Variants in CSMD2 observed in about 807,000 individuals in gnomAD.
CSMD2 encodes CUB and Sushi multiple domains 2, also known as CUB and sushi domain-containing protein 2.
A neutral mutation model predicts 398.5 loss-of-function variants in CSMD2; 130 were observed. The observed-to-expected ratio is 0.33, with a 90% CI of 0.28 to 0.38. The LOEUF (loss-of-function observed/expected upper bound fraction) is 0.38. Among genes scored for constraint, CSMD2 ranks in the 10% least tolerant of loss-of-function variants. CSMD2 has a pLI of 1.00. For missense variants in CSMD2, 3,829 were observed against 4,764.9 expected, an observed-to-expected ratio of 0.80 and a Z score of 5.78; for synonymous variants, 1,828 against 1,908.5, an observed-to-expected ratio of 0.96 and a Z score of 1.10.
intron 1 of CSMD2, among the ~76,000 whole-genome samples, chr1:34,112,039 G>A (rs1190228961): frequency 2.7e-5 from 4 of 150,008 alleles, no homozygotes; most frequent in Admixed American, 6.6e-5. Flanking sequence ...TTTCTCTCTC[G>A]CAGTTTGAAT....
At chr1:33,657,083 C>T (rs1643969846) in intron 27 of CSMD2, among the ~76,000 whole-genome samples, 1 of 152,200 alleles carries the variant, frequency 6.6e-6, no homozygotes, top group African/African-American at 2.4e-5. Flanking sequence ...TAGTTAGAGG[C>T]AGGATTTTTC....
At chr1:34,082,383 A>C (rs1228578346) in intron 2 of CSMD2, among the ~76,000 whole-genome samples, 11 of 132,354 alleles carry the variant, frequency 8.3e-5, no homozygotes, top group African/African-American at 1.2e-4. Flanking sequence ...GTGGGGGGCG[A>C]CCCCGCCCAG....
intron 48 of CSMD2, among the ~76,000 whole-genome samples, chr1:33,578,269 C>T (rs1638436342): frequency 6.6e-6 from 1 of 152,166 alleles, no homozygotes; most frequent in Admixed American, 6.5e-5. Flanking sequence ...TAAGTGCTTG[C>T]AATACAACAG....
intron 15 of CSMD2, among the ~76,000 whole-genome samples, chr1:33,732,680 T>A (rs1646759618): frequency 6.6e-6 from 1 of 152,222 alleles, no homozygotes; most frequent in Non-Finnish European, 1.5e-5. Flanking sequence ...CAGCCCAGGC[T>A]GACTGATACA....
chr1:33,981,605 A>G (rs969556950), intron 3 of CSMD2, among the ~76,000 whole-genome samples: 1 of 152,210 alleles, frequency 6.6e-6, no homozygotes, highest in Non-Finnish European at 1.5e-5. Flanking sequence ...TGGGCCACGC[A>G]CTGAGTATAC....
intron 57 of CSMD2, 24 bp downstream of exon 57, chr1:33,546,013 A>G: frequency 6.3e-7 from 1 of 1,589,446 alleles, no homozygotes; most frequent in Non-Finnish European, 8.6e-7. Context: ...CAAAGGGGAG[A>G]AGCAGAATGG....
At chr1:34,080,033 T>C (rs1172682978) in intron 2 of CSMD2, among the ~76,000 whole-genome samples, 1 of 147,522 alleles carries the variant, frequency 6.8e-6, no homozygotes, top group East Asian at 2.0e-4. Context: ...AATATAGATA[T>C]ATTAAAAATA....
chr1:33,637,015 C>T (rs1322096162), intron 29 of CSMD2, among the ~76,000 whole-genome samples: 1 of 152,192 alleles, frequency 6.6e-6, no homozygotes, highest in Non-Finnish European at 1.5e-5. Flanking sequence ...GCCTCCTGGC[C>T]TTTTGTGTTC....
At chr1:33,708,944 C>G (rs904442539) in intron 22 of CSMD2, 145 bp downstream of exon 22, 2 of 678,556 alleles carry the variant, frequency 2.9e-6, no homozygotes, top group African/African-American at 3.6e-5. Context: ...TTGGTCCTCT[C>G]TTTCTCCCAG....
In CSMD2 at chr1:33,743,360, G is replaced by T; in HGVS notation, c.2093C>A (p.Thr698Lys). ...FSGNQLPSSI[T>K]SSGHVARLEF... ...GAGACGGGCCACGTGGCCACTGCTT[G>T]TGATGGAGGAGGGAAGCTGGTTTCC... Residue 698 changes from threonine to lysine, a missense_variant, in exon 14 of 71, where the codon ACA becomes AAA. Around this residue, in one of 5 missense-constraint regions of CSMD2, gnomAD observed 2,001 missense variants for 2,567.1 expected, o/e 0.78. Transcript: ENST00000373381. 3.7e-6 allele frequency: 6 copies of T among 1,614,202 alleles called. No homozygotes were observed. The highest frequency in any genetic ancestry group is 5.1e-6 in the Non-Finnish European group (6 of 1,180,030).
rs535941810 is a variant in CSMD2 at position 33,617,059 on chromosome 1, T to A, written c.5947-84A>T. ...AACCAGGGGCTGTACAGGGGTCTGG[T>A]TCAGGGGCCTCATGTTAAGGAACAA... On this transcript the variant is annotated intron_variant, in intron 38 of 70. Transcript: ENST00000373381. 1.4e-5 allele frequency: 14 copies of A among 1,008,962 alleles called. No homozygotes were observed. The African/African-American group carries it at 2.2e-4, about 16-fold the overall frequency. The allele number at this position is 1,008,962 out of a possible 1,614,324, so 62.5% of individuals were successfully genotyped here. A position where few individuals can be genotyped will look rare whatever the true frequency, so the allele number is the denominator to read the frequency against.
At chr1:33,842,106 A>G (rs1482485525) in intron 6 of CSMD2, among the ~76,000 whole-genome samples, 1 of 152,024 alleles carries the variant, frequency 6.6e-6, no homozygotes, top group Non-Finnish European at 1.5e-5. Flanking sequence ...TCTGCCCCAG[A>G]CCATCTTTGT....
At chr1:33,971,485 T>C (rs1645762782) in intron 3 of CSMD2, among the ~76,000 whole-genome samples, 1 of 152,246 alleles carries the variant, frequency 6.6e-6, no homozygotes, top group Non-Finnish European at 1.5e-5. Flanking sequence ...CTGATCCTGG[T>C]TGCTTCAGCT....
chr1:33,568,664 T>G (rs1377899238), intron 52 of CSMD2, among the ~76,000 whole-genome samples: 1 of 152,162 alleles, frequency 6.6e-6, no homozygotes, highest in Non-Finnish European at 1.5e-5. Flanking sequence ...TTATATGGGA[T>G]TTGGGTAGAA....
At chr1:33,891,911 A>C in intron 5 of CSMD2, among the ~76,000 whole-genome samples, 1 of 59,858 alleles carries the variant, frequency 1.7e-5, no homozygotes, top group South Asian at 7.3e-4. Context: ...GGGTGGGGGG[A>C]GGGGGGAGGG....
chr1:33,810,963 T>G, intron 9 of CSMD2, 99 bp from the exon 10 acceptor site: 25 of 1,293,822 alleles, frequency 1.9e-5, no homozygotes, highest in Non-Finnish European at 2.7e-5. Flanking sequence ...ATCTGTACAG[T>G]TCCCACCCTG....
intron 3 of CSMD2, among the ~76,000 whole-genome samples, chr1:33,980,112 C>T (rs1004870851): frequency 6.6e-6 from 1 of 152,138 alleles, no homozygotes; most frequent in African/African-American, 2.4e-5. Flanking sequence ...CCAGAACCCT[C>T]AACTCTTATC....
chr1:34,025,495 G>A (rs1057314452), intron 3 of CSMD2, among the ~76,000 whole-genome samples: 3 of 152,144 alleles, frequency 2.0e-5, no homozygotes, highest in African/African-American at 7.2e-5. Flanking sequence ...TGTTTTTTTA[G>A]GTGAACTAGG....
chr1:33,719,332 G>A lies in CSMD2; in HGVS notation c.3002-2831C>T, dbSNP rs184740788. Among the ~76,000 whole-genome samples, 11 of 152,310 alleles carry A rather than the reference G, an allele frequency of 7.2e-5. No individual in the cohort carries two copies. The East Asian group carries it at 7.7e-4, about 11-fold the overall frequency. ...GGTGGAAACAAGTTGATTAAGCATC[G>A]CGCTTTGCACTCTATTCTTCTAGCA... On this transcript the variant is annotated intron_variant, in intron 19 of 70. Transcript: ENST00000373381.
Sources: gnomAD v4.1 joint callset for allele counts (sites outside exome capture counted in the v4.1 genomes callset) on GRCh38, gnomAD v4.1.1 for gene constraint, gnomAD v4.1.1 regional missense constraint, MANE v1.5 for transcripts, NCBI Gene and HGNC (gene_info 2026-07-23, HGNC 2026-07-21) for gene names.